The following PIWIL2 variants were observed in gnomAD, a reference collection of about 807,000 sequenced individuals.
PIWIL2 encodes the protein piwi like RNA-mediated gene silencing 2, also known as piwi-like protein 2.
A neutral mutation model predicts 116.5 loss-of-function variants in PIWIL2; 81 were observed. That is an observed-to-expected ratio of 0.70 (90% CI 0.58 to 0.84). The LOEUF (loss-of-function observed/expected upper bound fraction) is 0.84, where lower values mean the gene tolerates loss of function less well. Among genes scored for constraint, PIWIL2 ranks in the 40% least tolerant of loss-of-function variants. PIWIL2 has a pLI of 0.00. For missense variants in PIWIL2, 1,272 were observed against 1,212.3 expected (o/e 1.05, Z -0.73); for synonymous variants, 489 against 429.5 (o/e 1.14, Z -1.71).
chr8:22,337,182 C>A (rs952109511), intron 20 of PIWIL2, among the ~76,000 whole-genome samples: 3 of 152,022 alleles, frequency 2.0e-5, no homozygotes, highest in Non-Finnish European at 2.9e-5. Context: ...AAAGCCATCT[C>A]AAGAAAACTG....
intron 20 of PIWIL2, among the ~76,000 whole-genome samples, chr8:22,340,174 T>C (rs1471067568): frequency 6.9e-6 from 1 of 145,916 alleles, no homozygotes; most frequent in Non-Finnish European, 1.5e-5. Flanking sequence ...TGCCTCAGCC[T>C]CCCAAGTAGC....
chr8:22,322,980 G>A (rs1038786717), intron 20 of PIWIL2, among the ~76,000 whole-genome samples: 4 of 151,496 alleles, frequency 2.6e-5, no homozygotes, highest in African/African-American at 9.7e-5. Flanking sequence ...GCAGTGGTAT[G>A]ATCTCGGCTC....
intron 20 of PIWIL2, among the ~76,000 whole-genome samples, chr8:22,343,877 C>G (rs1407659482): frequency 6.6e-6 from 1 of 152,168 alleles, no homozygotes. Context: ...CCAACAATCA[C>G]GCTCCTTGAT....
At chr8:22,352,923 G>T (rs1586604046) in intron 20 of PIWIL2, 36 bp from the exon 21 acceptor site, 4 of 1,586,620 alleles carry the variant, frequency 2.5e-6, no homozygotes, top group Non-Finnish European at 2.6e-6. Context: ...TAGCCTGAGG[G>T]CTCTGTGAGT....
intron 16 of PIWIL2, among the ~76,000 whole-genome samples, chr8:22,312,619 G>A (rs1831360311): frequency 6.6e-6 from 1 of 152,044 alleles, no homozygotes; most frequent in African/African-American, 2.4e-5. Context: ...CAGCACACTT[G>A]TGTTCTTTCT....
intron 21 of PIWIL2, 149 bp downstream of exon 21, chr8:22,353,361 T>A (rs922985511): frequency 2.7e-6 from 2 of 731,222 alleles, no homozygotes; most frequent in Admixed American, 2.8e-5. Flanking sequence ...TTAAAAAATA[T>A]TTAAGGGCCT....
intron 4 of PIWIL2, among the ~76,000 whole-genome samples, chr8:22,282,074 C>CTTTTTTT (rs397963368): frequency 1.1e-5 from 1 of 88,820 alleles, no homozygotes. Context: ...TGTGCGTGGA[C>CTTTTTTT]TTTTTTTTTT....
At chr8:22,304,379 A>T (rs1831126325) in intron 11 of PIWIL2, among the ~76,000 whole-genome samples, 170 bp downstream of exon 11, 1 of 152,202 alleles carries the variant, frequency 6.6e-6, no homozygotes, top group South Asian at 2.1e-4. Flanking sequence ...TGACTTGAGT[A>T]TGCTACCATT....
intron 2 of PIWIL2, among the ~76,000 whole-genome samples, chr8:22,279,880 C>T (rs1003729118): frequency 3.9e-5 from 6 of 152,178 alleles, no homozygotes; most frequent in Admixed American, 3.3e-4. Context: ...TTGCTTGAAC[C>T]GTGGAGGCGG....
At chr8:22,317,526 C>A (rs1372820646) in intron 19 of PIWIL2, among the ~76,000 whole-genome samples, 1 of 151,960 alleles carries the variant, frequency 6.6e-6, no homozygotes, top group Non-Finnish European at 1.5e-5. Context: ...AACTGCTGCT[C>A]AGAATTTATT....
At chr8:22,296,493 A>G (rs952342498) in intron 10 of PIWIL2, among the ~76,000 whole-genome samples, 1 of 152,170 alleles carries the variant, frequency 6.6e-6, no homozygotes. Flanking sequence ...CAGACCTTAC[A>G]TGTTTGAAAA....
intron 20 of PIWIL2, among the ~76,000 whole-genome samples, chr8:22,345,297 AC>A (rs1224866319): frequency 1.9e-4 from 26 of 134,606 alleles, no homozygotes; most frequent in African/African-American, 6.1e-4. Flanking sequence ...AAAATTGAAA[AC>A]ACAAGTCCAC....
intron 20 of PIWIL2, among the ~76,000 whole-genome samples, chr8:22,333,423 C>G (rs1831906854): frequency 6.6e-6 from 1 of 151,948 alleles, no homozygotes; most frequent in Admixed American, 6.6e-5. Context: ...ACCAGCCTGA[C>G]CAACATGGAG....
At chr8:22,325,240 G>T (rs1046905692) in intron 20 of PIWIL2, among the ~76,000 whole-genome samples, 2 of 152,178 alleles carry the variant, frequency 1.3e-5, no homozygotes, top group African/African-American at 4.8e-5. Flanking sequence ...CAGAAAAAGG[G>T]GAGAAATCTA....
In PIWIL2 at chr8:22,333,162, TAA is replaced by T. The variant is rs1006613561; in HGVS notation, c.2403+14890_2403+14891del. 2.5e-4 allele frequency among the ~76,000 whole-genome samples: 38 copies of T among 151,968 alleles called. 1 individual carries two copies. Among genetic ancestry groups the T allele is most frequent in the African/African-American group, 9.2e-4 (38 of 41,348 alleles). ...TCTAGGGTAACTACGAAAGGAAGAA[TAA>T]AAGAGTGTATAACTATCAAGATATG... On this transcript the variant is annotated intron_variant, in intron 20 of 22. Coordinates refer to ENST00000356766, the MANE Select transcript of PIWIL2 (RefSeq NM_018068.5).
At chr8:22,331,175 C>T (rs567468215) in intron 20 of PIWIL2, among the ~76,000 whole-genome samples, 1 of 150,938 alleles carries the variant, frequency 6.6e-6, no homozygotes, top group Non-Finnish European at 1.5e-5. Context: ...GACTCTGTCT[C>T]AAAAAAATAA....
rs771703431 is a variant in PIWIL2 at position 22,314,425 on chromosome 8, C to G, written c.2087C>G (p.Ser696Cys). Residue 696 changes from serine (S) to cysteine (C), a missense_variant, in exon 17 of 23, where the codon TCC (serine) becomes TGC (cysteine). Coordinates refer to ENST00000356766, the MANE Select transcript of PIWIL2 (RefSeq NM_018068.5). ...TGCTGTGTGCAGTCCCCAGTGCCCT[C>G]CCAGGTGAGTGGGTGTTGGGGCAGG... ...KLCCVQSPVP[S>C]QVVNVRTIGQ... 16 of 1,547,086 alleles carry G rather than the reference C, an allele frequency of 1.0e-5. No individual in the cohort carries two copies. The highest frequency in any genetic ancestry group is 1.4e-5 in the Non-Finnish European group (16 of 1,140,326).
intron 20 of PIWIL2, among the ~76,000 whole-genome samples, chr8:22,319,131 T>A (rs1831536705): frequency 2.0e-5 from 3 of 152,204 alleles, no homozygotes; most frequent in Non-Finnish European, 4.4e-5. Context: ...TGCCTTTCAT[T>A]TCTTAGGGTC....
At chr8:22,293,043 A>G (rs988924167) in intron 10 of PIWIL2, among the ~76,000 whole-genome samples, 13 of 152,352 alleles carry the variant, frequency 8.5e-5, no homozygotes, top group African/African-American at 3.1e-4. Flanking sequence ...ATAAAAGTAT[A>G]TGTCTTCAAA....
Sources: allele counts gnomAD v4.1 joint callset (sites outside exome capture counted in the v4.1 genomes callset), GRCh38; gene constraint gnomAD v4.1.1; transcripts MANE v1.5; gene names NCBI Gene and HGNC (gene_info 2026-07-23, HGNC 2026-07-21).